GPBP1: variants seen among roughly 807,000 people sequenced by gnomAD.
The protein encoded by GPBP1 is vasculin.
In GPBP1, 13 loss-of-function variants were observed where a neutral mutation model predicts 56.5. The ratio of observed to expected loss-of-function variants is 0.23; its 90% CI spans 0.15 to 0.37. The LOEUF (loss-of-function observed/expected upper bound fraction) is 0.37, where lower values mean the gene tolerates loss of function less well. Ranked by LOEUF, GPBP1 falls within the 10% of genes least tolerant of loss-of-function variation. The pLI is 1.00. For missense variants in GPBP1, 477 were observed against 572.3 expected, an observed-to-expected ratio of 0.83 and a Z score of 1.70; for synonymous variants, 204 against 188.9, an observed-to-expected ratio of 1.08 and a Z score of -0.66.
At chr5:57,211,734 C>T (rs1482141243) in intron 2 of GPBP1, among the ~76,000 whole-genome samples, 1 of 151,880 alleles carries the variant, frequency 6.6e-6, no homozygotes, top group Non-Finnish European at 1.5e-5. Flanking sequence ...CAGGCATGCA[C>T]CACCACGCCC....
chr5:57,183,323 T>G (rs1754141394), intron 2 of GPBP1, among the ~76,000 whole-genome samples: 1 of 152,166 alleles, frequency 6.6e-6, no homozygotes, highest in Admixed American at 6.5e-5. Flanking sequence ...GCCGAGATCA[T>G]GCCATTGCAC....
intron 9 of GPBP1, 27 bp from the exon 10 acceptor site, chr5:57,250,927 T>A (rs1741355677): frequency 6.9e-7 from 1 of 1,451,464 alleles, no homozygotes; most frequent in African/African-American, 1.4e-5. Context: ...TCATTCTTTT[T>A]TTTTTTTTTA....
rs551107906 is a variant in GPBP1 at position 57,242,140 on chromosome 5, A to G, written c.479-4160A>G. ...AGATTGGTTTTATCATGTCTATCTT[A>G]AAGTTTTTCTTTTTCTTACTCTTAC... On this transcript the variant is annotated intron_variant, in intron 6 of 11. Coordinates refer to ENST00000506184, the MANE Select transcript of GPBP1 (RefSeq NM_022913.4). Among the ~76,000 whole-genome samples, 479 of 152,264 alleles carry G rather than the reference A, an allele frequency of 3.1e-3. 4 individuals are homozygous for G. The highest frequency in any genetic ancestry group is 0.011 in the African/African-American group (458 of 41,554).
chr5:57,231,508 G>A (rs748449233), intron 5 of GPBP1, among the ~76,000 whole-genome samples, 187 bp downstream of exon 5: 23 of 152,014 alleles, frequency 1.5e-4, no homozygotes, highest in South Asian at 4.1e-4. Context: ...CTTGACCTCA[G>A]GTGATCCACC....
At chr5:57,215,846 G>C (rs923536271) in intron 3 of GPBP1, among the ~76,000 whole-genome samples, 5 of 137,712 alleles carry the variant, frequency 3.6e-5, no homozygotes, top group African/African-American at 1.4e-4. Flanking sequence ...ACTACTTATT[G>C]CTTATTCAGC....
intron 1 of GPBP1, among the ~76,000 whole-genome samples, chr5:57,175,156 G>A (rs1490423906): frequency 6.6e-6 from 1 of 152,180 alleles, no homozygotes; most frequent in African/African-American, 2.4e-5. Context: ...AGTATAAGAA[G>A]GTTTGCTTAT....
intron 2 of GPBP1, among the ~76,000 whole-genome samples, chr5:57,188,879 T>G (rs1754402162): frequency 6.6e-6 from 1 of 152,224 alleles, no homozygotes; most frequent in East Asian, 1.9e-4. Context: ...GCTTTCTTCT[T>G]TCCCCCCATC....
intron 5 of GPBP1, 21 bp downstream of exon 5, chr5:57,231,342 A>G (rs757354946): frequency 1.9e-6 from 3 of 1,581,734 alleles, no homozygotes; most frequent in Non-Finnish European, 2.6e-6. Context: ...TATGACTTTT[A>G]TACAAATGAA....
intron 3 of GPBP1, among the ~76,000 whole-genome samples, chr5:57,222,216 T>TA (rs1486731719): frequency 2.6e-5 from 4 of 152,126 alleles, no homozygotes; most frequent in African/African-American, 9.7e-5. Context: ...GTCTCTGCCT[T>TA]ACTTGTTGTA....
chr5:57,206,735 GT>G (rs1252047799), intron 2 of GPBP1, among the ~76,000 whole-genome samples: 1 of 152,086 alleles, frequency 6.6e-6, no homozygotes, highest in Non-Finnish European at 1.5e-5. Context: ...TGTCCAGTCT[GT>G]TTTTTTGAAA....
At chr5:57,238,903 C>T (rs1383806344) in intron 6 of GPBP1, among the ~76,000 whole-genome samples, 3 of 152,116 alleles carry the variant, frequency 2.0e-5, no homozygotes, top group Admixed American at 6.6e-5. Flanking sequence ...AATTAGTCAC[C>T]AGTTAATATA....
At position 57,214,203 on chromosome 5, in the gene GPBP1, C is replaced by G; in HGVS notation, c.63+10C>G. The stretch of plus-strand genomic sequence containing the variant: ...ACCATCATCAACAAAGGTACTCTTT[C>G]TGCATCTTTCTTTCTGTCTGCTTCT... On this transcript the variant is annotated intron_variant, in intron 3 of 11. Transcript: ENST00000506184. 2 of 1,597,156 alleles carry G rather than the reference C, an allele frequency of 1.3e-6. No individual in the cohort carries two copies. Among genetic ancestry groups the G allele is most frequent in the Non-Finnish European group, 8.6e-7 (1 of 1,164,526 alleles).
intron 2 of GPBP1, among the ~76,000 whole-genome samples, chr5:57,212,972 A>G (rs560123839): frequency 6.6e-6 from 1 of 152,136 alleles, no homozygotes; most frequent in East Asian, 1.9e-4. Flanking sequence ...GTGAGCCACA[A>G]TGCCGGGACC....
chr5:57,183,608 A>T (rs1282440408), intron 2 of GPBP1, among the ~76,000 whole-genome samples: 2 of 152,060 alleles, frequency 1.3e-5, no homozygotes, highest in African/African-American at 4.8e-5. Flanking sequence ...GTATCACTGC[A>T]CTGTAGCCTA....
chr5:57,251,223 G>T, intron 10 of GPBP1, 82 bp downstream of exon 10: 3 of 1,231,314 alleles, frequency 2.4e-6, no homozygotes, highest in Non-Finnish European at 3.4e-6. Context: ...TGATTTAACA[G>T]GTTTATTGGA....
chr5:57,229,450 T>C (rs1217767163), intron 3 of GPBP1, among the ~76,000 whole-genome samples: 3 of 152,080 alleles, frequency 2.0e-5, no homozygotes, highest in Non-Finnish European at 4.4e-5. Flanking sequence ...TAGGTTGTCC[T>C]TATTTGTATT....
rs144039899 is a variant in GPBP1 at position 57,178,438 on chromosome 5, G to T, written c.-58+2038G>T. Among the ~76,000 whole-genome samples, 331 of 152,140 alleles carry T rather than the reference G, an allele frequency of 2.2e-3. 2 individuals carry two copies. Among genetic ancestry groups the T allele is most frequent in the African/African-American group, 7.7e-3 (321 of 41,488 alleles). ...TTTTTGTATTTTTAGTAGGGACAGG[G>T]TTTTACCGTGTTGGTCAGGCTGGCC... On this transcript the variant is annotated intron_variant, in intron 2 of 11. Transcript: ENST00000506184.
At chr5:57,206,349 T>C (rs1264016196) in intron 2 of GPBP1, among the ~76,000 whole-genome samples, 1 of 152,028 alleles carries the variant, frequency 6.6e-6, no homozygotes, top group Non-Finnish European at 1.5e-5. Context: ...CTTCTAAGAG[T>C]TTTATAGTTT....
At chr5:57,232,681 G>A (rs992230999) in intron 5 of GPBP1, among the ~76,000 whole-genome samples, 2 of 152,178 alleles carry the variant, frequency 1.3e-5, no homozygotes, top group African/African-American at 4.8e-5. Context: ...AATAGAAACT[G>A]GACACAGCAG....
Sources: gnomAD v4.1 joint callset for allele counts (sites outside exome capture counted in the v4.1 genomes callset) on GRCh38, gnomAD v4.1.1 for gene constraint, MANE v1.5 for transcripts, NCBI Gene and HGNC (gene_info 2026-07-23, HGNC 2026-07-21) for gene names.